Variants in CHSY3 observed in about 807,000 individuals in gnomAD.
CHSY3 encodes the protein N-acetylgalactosaminyl-proteoglycan 3-beta-glucuronosyltransferase 3.
In CHSY3, 35 loss-of-function variants were observed where a neutral mutation model predicts 67.2. The observed-to-expected ratio is 0.52, with a 90% CI of 0.40 to 0.69. The LOEUF (loss-of-function observed/expected upper bound fraction) is 0.69. Ranked by LOEUF, CHSY3 falls within the 30% of genes least tolerant of loss-of-function variation. The pLI, the probability that CHSY3 is intolerant of heterozygous loss-of-function variation, is 0.00. For synonymous variants in CHSY3, 474 were observed against 434.7 expected (o/e 1.09, Z -1.12); for missense variants, 1,069 against 1,138.5 (o/e 0.94, Z 0.88).
intron 2 of CHSY3, among the ~76,000 whole-genome samples, chr5:130,013,482 A>C (rs1218328903): frequency 1.3e-5 from 2 of 152,122 alleles, no homozygotes; most frequent in East Asian, 1.9e-4. Flanking sequence ...CATCCTCTGA[A>C]ATCTAAGTGG....
At chr5:129,921,797 T>G (rs917369861) in intron 2 of CHSY3, among the ~76,000 whole-genome samples, 2 of 152,202 alleles carry the variant, frequency 1.3e-5, no homozygotes, top group Non-Finnish European at 2.9e-5. Context: ...TTCAGGGTAA[T>G]TGGGATATCT....
At position 129,905,627 on chromosome 5, in the gene CHSY3, C is replaced by T. The variant is rs932228716; in HGVS notation, c.798C>T (p.Ile266=). 1 of 1,612,600 alleles carries T rather than the reference C, an allele frequency of 6.2e-7. No homozygotes were observed. The highest frequency in any genetic ancestry group is 1.3e-5 in the African/African-American group (1 of 75,032). The part of the protein sequence containing the change: ...WFMRADDDVY[I]KGDKLEEFLR... Reference sequence around the variant, plus strand: ...TGCGCGCCGACGACGATGTCTACATCAAAGGTGACCTCCCTGCGCCGGCTT... The same window carrying T: ...TGCGCGCCGACGACGATGTCTACATTAAAGGTGACCTCCCTGCGCCGGCTT... Residue 266 remains isoleucine (I), a synonymous_variant, in exon 1 of 3, where the codon ATC becomes ATT. Transcript: ENST00000305031.
chr5:130,024,615 G>A (rs1299778303), intron 2 of CHSY3, among the ~76,000 whole-genome samples: 2 of 152,106 alleles, frequency 1.3e-5, no homozygotes, highest in Non-Finnish European at 1.5e-5. Context: ...TACTTTTGCT[G>A]ATTTCATATT....
At chr5:130,178,984 T>C (rs1770165364) in intron 2 of CHSY3, among the ~76,000 whole-genome samples, 1 of 152,214 alleles carries the variant, frequency 6.6e-6, no homozygotes, top group Non-Finnish European at 1.5e-5. Flanking sequence ...TTTTCTACAA[T>C]TTGCTAGATC....
intron 2 of CHSY3, among the ~76,000 whole-genome samples, chr5:130,128,421 C>A (rs1382928515): frequency 1.3e-5 from 2 of 151,774 alleles, no homozygotes; most frequent in Non-Finnish European, 2.9e-5. Flanking sequence ...ATAAGCCAGA[C>A]ACAAAAAATA....
intron 2 of CHSY3, among the ~76,000 whole-genome samples, chr5:129,920,550 T>C (rs765539815): frequency 1.4e-4 from 22 of 152,302 alleles, no homozygotes; most frequent in South Asian, 1.0e-3. Flanking sequence ...AGCCAAGGAA[T>C]TGGTTTCAAG....
chr5:130,037,280 T>C (rs1224504340), intron 2 of CHSY3, among the ~76,000 whole-genome samples: 1 of 152,086 alleles, frequency 6.6e-6, no homozygotes, highest in East Asian at 1.9e-4. Flanking sequence ...AGGCCCTTGA[T>C]GGGCAAGTGA....
chr5:130,067,843 A>G (rs912291110), intron 2 of CHSY3, among the ~76,000 whole-genome samples: 1 of 152,196 alleles, frequency 6.6e-6, no homozygotes, highest in Non-Finnish European at 1.5e-5. Flanking sequence ...CCACACATCT[A>G]TCACAATAAA....
At chr5:130,027,438 C>CATAATTG (rs1764578005) in intron 2 of CHSY3, among the ~76,000 whole-genome samples, 1 of 151,996 alleles carries the variant, frequency 6.6e-6, no homozygotes, top group Non-Finnish European at 1.5e-5. Flanking sequence ...ATATCAGATG[C>CATAATTG]ATAATTGTTT....
chr5:129,935,251 C>T (rs1204731532), intron 2 of CHSY3, among the ~76,000 whole-genome samples: 2 of 152,154 alleles, frequency 1.3e-5, no homozygotes, highest in South Asian at 2.1e-4. Context: ...TTCTTTGTTA[C>T]GTATCATCTT....
At chr5:129,950,261 G>T (rs1561468989) in intron 2 of CHSY3, among the ~76,000 whole-genome samples, 1 of 151,804 alleles carries the variant, frequency 6.6e-6, no homozygotes, top group African/African-American at 2.4e-5. Flanking sequence ...AACATATTAG[G>T]TGTAAAGAAA....
In CHSY3 at chr5:130,029,855, G is replaced by A. The variant is rs895239903; in HGVS notation, c.1086+121495G>A. Among the ~76,000 whole-genome samples, 9 of 152,010 alleles carry A rather than the reference G, an allele frequency of 5.9e-5. 1 individual carries two copies. Among genetic ancestry groups the A allele is most frequent in the Admixed American group, 5.9e-4 (9 of 15,232 alleles). On this transcript the variant is annotated intron_variant, in intron 2 of 2. Coordinates refer to ENST00000305031, the MANE Select transcript of CHSY3 (RefSeq NM_175856.5). ...ACCCCCATCCCCACTCCATCTTTCCGCTAGAAATGGAGGGGTTGAAGTCCA... is the reference window on the plus strand; with the variant it reads ...ACCCCCATCCCCACTCCATCTTTCCACTAGAAATGGAGGGGTTGAAGTCCA...
At chr5:130,017,106 A>C (rs1764239281) in intron 2 of CHSY3, among the ~76,000 whole-genome samples, 1 of 152,152 alleles carries the variant, frequency 6.6e-6, no homozygotes, top group Admixed American at 6.5e-5. Flanking sequence ...TGATTTATGA[A>C]GGTTCTACTT....
intron 2 of CHSY3, among the ~76,000 whole-genome samples, chr5:130,034,405 A>G (rs1445427493): frequency 1.3e-5 from 2 of 152,130 alleles, no homozygotes; most frequent in Non-Finnish European, 2.9e-5. Context: ...AGAATGGTTC[A>G]TTTCCTCAAA....
intron 2 of CHSY3, among the ~76,000 whole-genome samples, chr5:129,941,887 C>T (rs1382138221): frequency 2.6e-5 from 4 of 152,096 alleles, no homozygotes; most frequent in Non-Finnish European, 5.9e-5. Context: ...CCCACAACCC[C>T]CTCTTTGGAT....
intron 2 of CHSY3, among the ~76,000 whole-genome samples, chr5:130,034,785 C>G (rs1255308188): frequency 6.6e-6 from 1 of 152,044 alleles, no homozygotes; most frequent in African/African-American, 2.4e-5. Flanking sequence ...GAAGTTGTCA[C>G]TGAGAAAATG....
At chr5:129,916,986 G>A (rs936879906) in intron 2 of CHSY3, among the ~76,000 whole-genome samples, 1 of 152,062 alleles carries the variant, frequency 6.6e-6, no homozygotes, top group East Asian at 1.9e-4. Context: ...TCTTAAGTAA[G>A]CCTCTTCTTT....
chr5:129,906,149 T>C (rs1045311223), intron 1 of CHSY3, among the ~76,000 whole-genome samples: 13 of 152,154 alleles, frequency 8.5e-5, no homozygotes, highest in African/African-American at 3.1e-4. Context: ...ACTGCTCAGA[T>C]TGAGGAATCG....
chr5:130,024,555 C>G (rs1764485854), intron 2 of CHSY3, among the ~76,000 whole-genome samples: 3 of 151,964 alleles, frequency 2.0e-5, no homozygotes, highest in South Asian at 2.1e-4. Flanking sequence ...TGTTTTAACC[C>G]CTATTAAGGA....
Sources: allele counts gnomAD v4.1 joint callset (sites outside exome capture counted in the v4.1 genomes callset), GRCh38; gene constraint gnomAD v4.1.1; transcripts MANE v1.5; gene names NCBI Gene and HGNC (gene_info 2026-07-23, HGNC 2026-07-21).